Variants in MCOLN2 observed in about 807,000 individuals in gnomAD.
MCOLN2 encodes mucolipin TRP cation channel 2.
Under a neutral mutation model 67.5 loss-of-function variants are expected in MCOLN2, and 57 were observed. The observed-to-expected ratio is 0.84, with a 90% CI of 0.68 to 1.05. The LOEUF is 1.05. Ranked by LOEUF, MCOLN2 falls within the 50% of genes least tolerant of loss-of-function variation. The probability of loss-of-function intolerance (pLI) is 0.00; values close to 1 mark genes in which losing one functional copy is unlikely to be tolerated. For missense variants in MCOLN2, 620 were observed against 678.8 expected, an observed-to-expected ratio of 0.91 and a Z score of 0.96; for synonymous variants, 246 against 233.3, an observed-to-expected ratio of 1.05 and a Z score of -0.50.
rs960964021 is a variant in MCOLN2 at position 84,937,795 on chromosome 1, G to A, written c.1295C>T (p.Thr432Ile). 3.7e-6 allele frequency: 6 copies of A among 1,614,078 alleles called. No individual in the cohort carries two copies. The highest frequency in any genetic ancestry group is 2.7e-5 in the African/African-American group (2 of 74,924). ...ACAGMIYLGY[T>I]FCGWIVLGPY... ...TCCTAAGACAATCCAGCCACAGAAT[G>A]TGTAACCCAGATAAATCATACCAGC... The change falls in exon 11 of 14, where the codon ACA (threonine) becomes ATA (isoleucine). Residue 432 changes from threonine to isoleucine, a missense_variant. Transcript: ENST00000370608.
At position 84,996,908 on chromosome 1, in the gene MCOLN2, T is replaced by A. The variant is rs1651186238; in HGVS notation, c.-36A>T. ...TCAAAACTTTCCAGGGCTCTCGGGA[T>A]TCGGAACAGGAAACACCGTTCACGG... On this transcript the variant is annotated 5_prime_UTR_variant, in exon 1 of 14. Coordinates refer to ENST00000370608, the MANE Select transcript of MCOLN2 (RefSeq NM_153259.4). 6.3e-7 allele frequency: 1 copy of A among 1,584,974 alleles called. No individual in the cohort carries two copies. Among genetic ancestry groups the A allele is most frequent in the African/African-American group, 1.3e-5 (1 of 74,310 alleles).
chr1:84,966,471 C>T (rs1571007938), intron 1 of MCOLN2, among the ~76,000 whole-genome samples: 1 of 152,062 alleles, frequency 6.6e-6, no homozygotes, highest in East Asian at 1.9e-4. Context: ...AGGACATTTT[C>T]ATGATACTCC....
At chr1:84,983,782 T>C (rs1650374448) in intron 1 of MCOLN2, among the ~76,000 whole-genome samples, 2 of 151,028 alleles carry the variant, frequency 1.3e-5, no homozygotes, top group African/African-American at 4.9e-5. Context: ...GTTCAAGCAG[T>C]TCTCCTGCCT....
At chr1:84,937,555 A>G in intron 11 of MCOLN2, 200 bp downstream of exon 11, 1 of 1,337,268 alleles carries the variant, frequency 7.5e-7, no homozygotes, top group Non-Finnish European at 9.6e-7. Flanking sequence ...CTAGTATTGT[A>G]CAGTTCTTGT....
chr1:84,944,536 A>G (rs1647982890), intron 7 of MCOLN2, among the ~76,000 whole-genome samples: 1 of 140,100 alleles, frequency 7.1e-6, no homozygotes, highest in African/African-American at 3.3e-5. Context: ...TGTCTCAAAA[A>G]GAAAGAAAGA....
At chr1:84,984,087 A>T (rs531092051) in intron 1 of MCOLN2, among the ~76,000 whole-genome samples, 26 of 152,170 alleles carry the variant, frequency 1.7e-4, no homozygotes, top group Admixed American at 4.6e-4. Flanking sequence ...GCTCCCCAAC[A>T]TACATTTCAC....
intron 1 of MCOLN2, among the ~76,000 whole-genome samples, chr1:84,991,187 T>C (rs1571055250): frequency 6.6e-6 from 1 of 152,122 alleles, no homozygotes. Flanking sequence ...GCTAGTCAGG[T>C]ATTTCCCTGC....
chr1:84,984,896 G>A (rs895087197), intron 1 of MCOLN2, among the ~76,000 whole-genome samples: 1 of 152,144 alleles, frequency 6.6e-6, no homozygotes, highest in Non-Finnish European at 1.5e-5. Flanking sequence ...TTGGGAGGCT[G>A]AGGTGGGAGG....
chr1:84,939,208 T>C (rs1647606435), intron 9 of MCOLN2, among the ~76,000 whole-genome samples: 1 of 152,110 alleles, frequency 6.6e-6, no homozygotes. Flanking sequence ...GAGCACCCAA[T>C]GGTCACAGAT....
intron 1 of MCOLN2, among the ~76,000 whole-genome samples, chr1:84,979,659 T>G (rs1015376630): frequency 6.6e-6 from 1 of 152,218 alleles, no homozygotes; most frequent in Non-Finnish European, 1.5e-5. Flanking sequence ...AAACTGGATA[T>G]AGAAGGAATA....
At chr1:84,985,360 G>A (rs1027943389) in intron 1 of MCOLN2, among the ~76,000 whole-genome samples, 2 of 152,154 alleles carry the variant, frequency 1.3e-5, no homozygotes, top group Non-Finnish European at 2.9e-5. Flanking sequence ...CCCTCCTCTT[G>A]ATGTCAGAGT....
intron 12 of MCOLN2, chr1:84,929,989 A>G: frequency 9.8e-6 from 2 of 203,544 alleles, no homozygotes; most frequent in Admixed American, 1.1e-4. Flanking sequence ...TAGTCTGGGT[A>G]TGATGGCTCA....
intron 11 of MCOLN2, 100 bp from the exon 12 acceptor site, chr1:84,931,668 G>T: frequency 1.0e-6 from 1 of 970,196 alleles, no homozygotes; most frequent in Non-Finnish European, 1.6e-6. Flanking sequence ...TGTCATTGTA[G>T]TAGTGGTAAC....
At chr1:84,969,585 A>G (rs1649560733) in intron 1 of MCOLN2, among the ~76,000 whole-genome samples, 1 of 151,920 alleles carries the variant, frequency 6.6e-6, no homozygotes. Flanking sequence ...AAAAAAAAAA[A>G]AAAGAAATGA....
At chr1:84,932,029 AACAC>A (rs55925234) in intron 11 of MCOLN2, among the ~76,000 whole-genome samples, 5 of 148,570 alleles carry the variant, frequency 3.4e-5, no homozygotes, top group African/African-American at 7.4e-5. Flanking sequence ...GTCTCTTTAA[AACAC>A]ACACACACAC....
chr1:84,927,048 A>AG lies in MCOLN2; in HGVS notation c.1665-328dup, dbSNP rs768417156. On this transcript the variant is annotated intron_variant, in intron 13 of 13. Transcript: ENST00000370608. ...CGCACACGGGGAAATGTTGGGGGGT[A>AG]GGGGGAAAGGGGAGGGAGAGCATTA... Among the ~76,000 whole-genome samples, 15 of 134,314 alleles carry AG rather than the reference A, an allele frequency of 1.1e-4. No individual in the cohort carries two copies. The South Asian group carries it at 1.4e-3, about 12-fold the overall frequency. 88.1% of individuals were successfully genotyped at this position (134,314 alleles called of 152,430 possible).
chr1:84,984,913 C>T (rs536263589), intron 1 of MCOLN2, among the ~76,000 whole-genome samples: 1 of 152,108 alleles, frequency 6.6e-6, no homozygotes, highest in East Asian at 1.9e-4. Flanking sequence ...GAGGATTGCT[C>T]AAGTCCAGGG....
At chr1:84,960,834 A>G (rs559408900) in intron 2 of MCOLN2, among the ~76,000 whole-genome samples, 1 of 152,208 alleles carries the variant, frequency 6.6e-6, no homozygotes, top group African/African-American at 2.4e-5. Flanking sequence ...AAGTTCTTCA[A>G]TCAAAGTTTG....
chr1:84,988,133 C>A (rs78920786), intron 1 of MCOLN2, among the ~76,000 whole-genome samples: 2 of 152,140 alleles, frequency 1.3e-5, no homozygotes, highest in Admixed American at 1.3e-4. Flanking sequence ...ATCCTTAGTG[C>A]AATCAGTGGC....
Sources: gnomAD v4.1 joint callset for allele counts (sites outside exome capture counted in the v4.1 genomes callset) on GRCh38, gnomAD v4.1.1 for gene constraint, MANE v1.5 for transcripts, NCBI Gene and HGNC (gene_info 2026-07-23, HGNC 2026-07-21) for gene names.